The following ROBO1 variants were observed in gnomAD, a reference collection of about 807,000 sequenced individuals.
The protein encoded by ROBO1 is roundabout guidance receptor 1, also known as roundabout homolog 1.
In ROBO1, 149 loss-of-function variants were observed where a neutral mutation model predicts 195.9. The observed-to-expected ratio is 0.76, with a 90% CI of 0.67 to 0.87. The LOEUF (loss-of-function observed/expected upper bound fraction) is 0.87, where lower values mean the gene tolerates loss of function less well. Among genes scored for constraint, ROBO1 ranks in the 40% least tolerant of loss-of-function variants. The pLI is 0.00. For missense variants in ROBO1, 1,933 were observed against 2,068.3 expected (o/e 0.93, Z 1.27); for synonymous variants, 816 against 733.2 (o/e 1.11, Z -1.82).
intron 3 of ROBO1, among the ~76,000 whole-genome samples, chr3:79,014,797 T>G (rs765313024): frequency 2.0e-5 from 3 of 152,218 alleles, no homozygotes; most frequent in African/African-American, 4.8e-5. Flanking sequence ...TTTTTAAAAT[T>G]AAACATTTTT....
At chr3:78,737,501 A>G (rs2082419229) in intron 5 of ROBO1, among the ~76,000 whole-genome samples, 1 of 152,132 alleles carries the variant, frequency 6.6e-6, no homozygotes, top group African/African-American at 2.4e-5. Flanking sequence ...AATTCCCTCA[A>G]CGACACACTG....
chr3:79,766,316 C>T (rs2107540468), intron 1 of ROBO1, among the ~76,000 whole-genome samples: 1 of 151,678 alleles, frequency 6.6e-6, no homozygotes. Flanking sequence ...CCTTCGTGTC[C>T]TTTTTTCTTG....
At chr3:78,812,781 AAATAT>A (rs1427931710) in intron 4 of ROBO1, among the ~76,000 whole-genome samples, 1 of 152,150 alleles carries the variant, frequency 6.6e-6, no homozygotes, top group African/African-American at 2.4e-5. Context: ...AGTGTATGAT[AAATAT>A]AATACAATTG....
chr3:79,463,279 G>A (rs1364543869), intron 2 of ROBO1, among the ~76,000 whole-genome samples: 3 of 151,968 alleles, frequency 2.0e-5, no homozygotes, highest in African/African-American at 7.3e-5. Flanking sequence ...GGAGGCTGAG[G>A]CAGGAGAATG....
intron 4 of ROBO1, among the ~76,000 whole-genome samples, chr3:78,760,183 G>A (rs1351927610): frequency 6.6e-6 from 1 of 152,088 alleles, no homozygotes; most frequent in Non-Finnish European, 1.5e-5. Context: ...TGATTGTGAG[G>A]CCTCCCCAGC....
At chr3:78,757,925 T>C (rs1321023788) in intron 4 of ROBO1, among the ~76,000 whole-genome samples, 1 of 152,194 alleles carries the variant, frequency 6.6e-6, no homozygotes, top group African/African-American at 2.4e-5. Flanking sequence ...GAGCCTGTCT[T>C]TGGCTTCAAA....
chr3:79,241,368 C>A (rs1038875394), intron 2 of ROBO1, among the ~76,000 whole-genome samples: 1 of 152,168 alleles, frequency 6.6e-6, no homozygotes, highest in Non-Finnish European at 1.5e-5. Context: ...ATTATTCATA[C>A]ATCCAGCACC....
chr3:78,972,045 C>A (rs145608361), intron 3 of ROBO1, among the ~76,000 whole-genome samples: 1 of 152,172 alleles, frequency 6.6e-6, no homozygotes. Flanking sequence ...GGATTACAGG[C>A]GTGAGCCGCC....
At chr3:79,496,508 C>T (rs1264247618) in intron 2 of ROBO1, among the ~76,000 whole-genome samples, 4 of 146,734 alleles carry the variant, frequency 2.7e-5, no homozygotes, top group South Asian at 2.2e-4. Flanking sequence ...CTCAGCCTCC[C>T]GAGTAGCTGG....
intron 4 of ROBO1, among the ~76,000 whole-genome samples, chr3:78,876,317 G>A (rs1267296314): frequency 6.6e-6 from 1 of 151,994 alleles, no homozygotes; most frequent in African/African-American, 2.4e-5. Context: ...TATACTTGAA[G>A]AAAGAAAATC....
chr3:78,605,431 T>G (rs932824518), intron 29 of ROBO1, among the ~76,000 whole-genome samples: 5 of 152,224 alleles, frequency 3.3e-5, no homozygotes, highest in Non-Finnish European at 7.3e-5. Flanking sequence ...GACTTGAAAT[T>G]GGCAATTTTG....
chr3:79,674,830 G>GTGTGTT (rs1181597833), intron 1 of ROBO1, among the ~76,000 whole-genome samples: 25 of 47,466 alleles, frequency 5.3e-4, no homozygotes, highest in East Asian at 1.6e-3. Flanking sequence ...TTATATCCGT[G>GTGTGTT]TGTGTGTGTG....
At chr3:78,943,497 T>C (rs942830991) in intron 3 of ROBO1, among the ~76,000 whole-genome samples, 1 of 152,216 alleles carries the variant, frequency 6.6e-6, no homozygotes, top group Non-Finnish European at 1.5e-5. Context: ...TTCCATATTA[T>C]TAAACGCTAA....
At chr3:79,653,289 G>A (rs564814872) in intron 1 of ROBO1, among the ~76,000 whole-genome samples, 1 of 151,510 alleles carries the variant, frequency 6.6e-6, no homozygotes, top group East Asian at 1.9e-4. Context: ...ATATTTTCTT[G>A]TCAAATATAA....
chr3:79,650,753 A>T (rs1945980545), intron 1 of ROBO1, among the ~76,000 whole-genome samples: 1 of 151,928 alleles, frequency 6.6e-6, no homozygotes, highest in African/African-American at 2.4e-5. Flanking sequence ...AAATAATAGT[A>T]ATCTGAAGAA....
intron 3 of ROBO1, among the ~76,000 whole-genome samples, chr3:79,000,274 T>A (rs1009187355): frequency 3.9e-5 from 6 of 152,106 alleles, no homozygotes; most frequent in African/African-American, 1.2e-4. Context: ...TGGGGTTGTT[T>A]TTTTCTTGTA....
intron 2 of ROBO1, among the ~76,000 whole-genome samples, chr3:79,317,965 A>C (rs1464409438): frequency 2.0e-5 from 3 of 152,136 alleles, no homozygotes; most frequent in Non-Finnish European, 2.9e-5. Flanking sequence ...CTCATGTGGG[A>C]TTACGTAAAC....
intron 3 of ROBO1, among the ~76,000 whole-genome samples, chr3:78,972,058 G>A (rs1396599270): frequency 6.6e-5 from 10 of 152,140 alleles, no homozygotes; most frequent in African/African-American, 1.7e-4. Flanking sequence ...GAGCCGCCGC[G>A]CCCGGCCTTA....
chr3:78,694,667 A>G (rs1046896672), intron 8 of ROBO1, among the ~76,000 whole-genome samples: 10 of 152,288 alleles, frequency 6.6e-5, no homozygotes, highest in African/African-American at 2.4e-4. Context: ...ACTCAAAAAC[A>G]CGGAATGGAT....
Sources: gnomAD v4.1 joint callset for allele counts (sites outside exome capture counted in the v4.1 genomes callset) on GRCh38, gnomAD v4.1.1 for gene constraint, MANE v1.5 for transcripts, NCBI Gene and HGNC (gene_info 2026-07-23, HGNC 2026-07-21) for gene names.